Variants in PDGFRB observed in about 807,000 individuals in gnomAD.
The protein encoded by PDGFRB is platelet derived growth factor receptor beta.
Under a neutral mutation model 120.2 loss-of-function variants are expected in PDGFRB, and 42 were observed. That is an observed-to-expected ratio of 0.35 (90% CI 0.27 to 0.45). The LOEUF (loss-of-function observed/expected upper bound fraction) is 0.45, where lower values mean the gene tolerates loss of function less well. Ranked by LOEUF, PDGFRB falls within the 20% of genes least tolerant of loss-of-function variation. The pLI is 1.00. For synonymous variants in PDGFRB, 586 were observed against 606.8 expected, an observed-to-expected ratio of 0.97 and a Z score of 0.50; for missense variants, 1,149 against 1,476.3, an observed-to-expected ratio of 0.78 and a Z score of 3.63.
Position 150,155,729 on chromosome 5 carries a change from G to C in PDGFRB, c.-339C>G, listed in dbSNP as rs891405058. ...CAGGGCGAGCACAGGCTGCTGCTGG[G>C]CAGCAGGGCTGAGGGGCCGGCTCTC... On this transcript the variant is annotated 5_prime_UTR_variant, in exon 1 of 23. Transcript: ENST00000261799. 7.5e-6 allele frequency: 3 copies of C among 398,510 alleles called. No homozygotes were observed. The highest frequency in any genetic ancestry group is 4.4e-5 in the Admixed American group (1 of 22,718). 24.7% of individuals were successfully genotyped at this position (398,510 alleles called of 1,614,324 possible).
chr5:150,141,550 C>A (rs1240024146), intron 1 of PDGFRB, among the ~76,000 whole-genome samples: 1 of 152,138 alleles, frequency 6.6e-6, no homozygotes, highest in East Asian at 1.9e-4. Flanking sequence ...ACTCTGTGTT[C>A]TATGCCACCA....
chr5:150,124,427 G>A (rs1430394083), intron 13 of PDGFRB, 67 bp from the exon 14 acceptor site: 14 of 1,179,084 alleles, frequency 1.2e-5, no homozygotes, highest in Non-Finnish European at 1.6e-5. Context: ...CACCACAGGA[G>A]CCTATTCTGA....
In PDGFRB at chr5:150,114,611, G is replaced by C. The variant is rs1759865582; in HGVS notation, c.*1152C>G. 1 of 233,454 alleles carries C rather than the reference G, an allele frequency of 4.3e-6. No individual in the cohort carries two copies. The highest frequency in any genetic ancestry group is 6.0e-5 in the East Asian group (1 of 16,536). The allele number at this position is 233,454 out of a possible 1,614,324, so 14.5% of individuals were successfully genotyped here. ...TGCAGCTGTGTTCTTGAGACTTGCT[G>C]GGGGCCTGGGGAAGGGGCATGGTTC... On this transcript the variant is annotated 3_prime_UTR_variant, in exon 23 of 23. Transcript: ENST00000261799.
At chr5:150,151,256 G>A (rs921365578) in intron 1 of PDGFRB, among the ~76,000 whole-genome samples, 2 of 152,198 alleles carry the variant, frequency 1.3e-5, no homozygotes, top group Non-Finnish European at 2.9e-5. Context: ...CTGGAAGAAA[G>A]ATTTACCATC....
chr5:150,123,067 G>A lies in PDGFRB; in HGVS notation c.2158C>T (p.Leu720=). ...PPSAELYSNA[L]PVGLPLPSHV... is the part of the protein sequence containing the mutation. Reference sequence around the variant, plus strand: ...CTGGGCAGGGGGAGCCCAACGGGCAGAGCATTGCTGTAGAGCTCCGCGCTG... The same window carrying A: ...CTGGGCAGGGGGAGCCCAACGGGCAAAGCATTGCTGTAGAGCTCCGCGCTG... Residue 720 remains leucine, a synonymous_variant, in exon 15 of 23, where the codon CTG becomes TTG. Transcript: ENST00000261799. 1 of 1,613,548 alleles carries A rather than the reference G, an allele frequency of 6.2e-7. No homozygotes were observed. The highest frequency in any genetic ancestry group is 8.5e-7 in the Non-Finnish European group (1 of 1,179,972).
Position 150,115,471 on chromosome 5 carries a change from A to C in PDGFRB, c.*292T>G. On this transcript the variant is annotated 3_prime_UTR_variant, in exon 23 of 23. Transcript: ENST00000261799. ...GAGAATCCTAGATTCTGGGTCATCA[A>C]GCCTAACTTTCCCATTTTACATATG... 1 of 313,626 alleles carries C rather than the reference A, an allele frequency of 3.2e-6. No individual in the cohort carries two copies. The allele number at this position is 313,626 out of a possible 1,614,324, so 19.4% of individuals were successfully genotyped here.
chr5:150,118,463 G>A (rs921549791), intron 21 of PDGFRB, among the ~76,000 whole-genome samples: 1 of 152,174 alleles, frequency 6.6e-6, no homozygotes, highest in Admixed American at 6.5e-5. Context: ...TCGGTATGGA[G>A]GTAAAGGCCT....
At chr5:150,128,572 T>C (rs1280180493) in intron 10 of PDGFRB, among the ~76,000 whole-genome samples, 1 of 152,262 alleles carries the variant, frequency 6.6e-6, no homozygotes, top group Non-Finnish European at 1.5e-5. Context: ...TCCAGCCAGA[T>C]TGAGTTGAAC....
At chr5:150,140,036 G>A (rs575576780) in intron 1 of PDGFRB, among the ~76,000 whole-genome samples, 3 of 152,076 alleles carry the variant, frequency 2.0e-5, no homozygotes, top group East Asian at 3.9e-4. Flanking sequence ...GGGACTTTCC[G>A]CTGGTGACGT....
At chr5:150,145,432 T>A (rs1038113001) in intron 1 of PDGFRB, among the ~76,000 whole-genome samples, 7 of 152,250 alleles carry the variant, frequency 4.6e-5, no homozygotes, top group African/African-American at 1.4e-4. Context: ...AAGGGTCTGC[T>A]GTACTTATCA....
At position 150,121,183 on chromosome 5, in the gene PDGFRB, C is replaced by G. The variant is rs2113889389; in HGVS notation, c.2463+21G>C. The G allele has an allele frequency of 7.3e-7, 1 of 1,365,088 alleles. No individual in the cohort carries two copies. The highest frequency in any genetic ancestry group is 1.1e-6 in the Non-Finnish European group (1 of 952,346). 84.6% of individuals were successfully genotyped at this position (1,365,088 alleles called of 1,614,324 possible). A position where few individuals can be genotyped will look rare whatever the true frequency, so the allele number is the denominator to read the frequency against. On this transcript the variant is annotated intron_variant, in intron 17 of 22. Coordinates refer to ENST00000261799, the MANE Select transcript of PDGFRB (RefSeq NM_002609.4). This position sits in a 1 kb window ranked among gnomAD's most constrained non-coding sequence, Gnocchi z 4.1. Reference sequence around the variant, plus strand: ...CCACCTCCCCACAGCCCCCACTCTGCCCCACCAACACCACACGTACGTTCT... The same window carrying G: ...CCACCTCCCCACAGCCCCCACTCTGGCCCACCAACACCACACGTACGTTCT...
At chr5:150,118,471 C>T (rs1349518014) in intron 21 of PDGFRB, among the ~76,000 whole-genome samples, 1 of 152,130 alleles carries the variant, frequency 6.6e-6, no homozygotes, top group African/African-American at 2.4e-5. Context: ...GAGGTAAAGG[C>T]CTGAGGGAGG....
In PDGFRB at chr5:150,135,656, G is replaced by T. The variant is rs147303614; in HGVS notation, c.263C>A (p.Thr88Asn). 2 of 1,613,884 alleles carry T rather than the reference G, an allele frequency of 1.2e-6. No individual in the cohort carries two copies. The highest frequency in any genetic ancestry group is 4.5e-5 in the East Asian group (2 of 44,882). Residue 88 changes from threonine (T) to asparagine (N), a missense_variant, in exon 3 of 23, where the codon ACC (threonine) becomes AAC (asparagine). This residue lies in a region of PDGFRB where 879 missense variants were observed against 1,108.6 expected (regional missense o/e 0.79). Coordinates refer to ENST00000261799, the MANE Select transcript of PDGFRB (RefSeq NM_002609.4). ...DGTFSSVLTLTNLTGLDTGEY... is the reference protein window; with the variant it reads ...DGTFSSVLTLNNLTGLDTGEY... ...TCCCGTGTCTAGCCCAGTGAGGTTGGTCAGTGTGAGCACGCTGGAGAAGGT... is the reference window on the plus strand; with the variant it reads ...TCCCGTGTCTAGCCCAGTGAGGTTGTTCAGTGTGAGCACGCTGGAGAAGGT...
chr5:150,117,511 C>T (rs1759974372), intron 22 of PDGFRB, 107 bp downstream of exon 22: 1 of 669,944 alleles, frequency 1.5e-6, no homozygotes, highest in South Asian at 1.9e-5. Context: ...TAACTTACCT[C>T]TGAGGCAAAC....
At chr5:150,138,002 A>G (rs1760685413) in intron 1 of PDGFRB, among the ~76,000 whole-genome samples, 1 of 152,094 alleles carries the variant, frequency 6.6e-6, no homozygotes, top group Non-Finnish European at 1.5e-5. Context: ...CAGAGACAGA[A>G]GCAAGGACAA....
At position 150,129,527 on chromosome 5, in the gene PDGFRB, G is replaced by A. The variant is rs115603484; in HGVS notation, c.1579+230C>T. Reference sequence around the variant, plus strand: ...ATAGTATATGTACACCACACTGAAGGATATTCATATCCATGGCTTACAGAC... The same window carrying A: ...ATAGTATATGTACACCACACTGAAGAATATTCATATCCATGGCTTACAGAC... On this transcript the variant is annotated intron_variant, in intron 10 of 22. Coordinates refer to ENST00000261799, the MANE Select transcript of PDGFRB (RefSeq NM_002609.4). Among the ~76,000 whole-genome samples the A allele has an allele frequency of 0.013, 1,953 of 152,308 alleles. 30 individuals are homozygous for A. The highest frequency in any genetic ancestry group is 0.044 in the African/African-American group (1,839 of 41,546).
rs765818881 is a variant in PDGFRB, at chr5:150,133,706, T to G, written c.814A>C (p.Ile272Leu). The change falls in exon 6 of 23, where the codon ATC (isoleucine) becomes CTC (leucine). Residue 272 changes from isoleucine (I) to leucine (L), a missense_variant. By Grantham distance (5) the Ile-to-Leu change is conservative. Coordinates refer to ENST00000261799, the MANE Select transcript of PDGFRB (RefSeq NM_002609.4). The stretch of plus-strand genomic sequence containing the variant: ...CTGGGGATGTGCAGGATGGAGCGGA[T>G]GTGGTAAGGCATATCCAAGAGGAAG... ...TDFLLDMPYH[I>L]RSILHIPSAE... 1 of 1,613,934 alleles carries G rather than the reference T, an allele frequency of 6.2e-7. No homozygotes were observed. Among genetic ancestry groups the G allele is most frequent in the East Asian group, 2.2e-5 (1 of 44,882 alleles).
intron 9 of PDGFRB, 78 bp downstream of exon 9, chr5:150,130,461 G>A (rs920482739): frequency 1.1e-5 from 15 of 1,384,382 alleles, no homozygotes; most frequent in South Asian, 4.9e-5. Flanking sequence ...CAAGAAGAAC[G>A]GGCGGGACTA....
At chr5:150,130,255 G>A (rs1199389753) in intron 9 of PDGFRB, among the ~76,000 whole-genome samples, 1 of 152,192 alleles carries the variant, frequency 6.6e-6, no homozygotes, top group Admixed American at 6.5e-5. Context: ...CACTGCATTA[G>A]AATCGACCTG....
Sources: gnomAD v4.1 joint callset for allele counts (sites outside exome capture counted in the v4.1 genomes callset) on GRCh38, gnomAD v4.1.1 for gene constraint, gnomAD v4.1.1 regional missense constraint, Gnocchi (gnomAD v3.1) non-coding constraint, MANE v1.5 for transcripts, NCBI Gene and HGNC (gene_info 2026-07-23, HGNC 2026-07-21) for gene names.